Variants in LRBA observed in about 807,000 individuals in gnomAD.
LRBA encodes lipopolysaccharide-responsive and beige-like anchor protein.
A neutral mutation model predicts 330.0 loss-of-function variants in LRBA; 176 were observed. The ratio of observed to expected loss-of-function variants is 0.53; its 90% CI spans 0.47 to 0.60. LRBA has a LOEUF of 0.60. LRBA is among the 20% of genes least tolerant of loss of function. The pLI, the probability that LRBA is intolerant of heterozygous loss-of-function variation, is 0.00. For missense variants in LRBA, 3,259 were observed against 3,444.8 expected, an observed-to-expected ratio of 0.95 and a Z score of 1.35; for synonymous variants, 1,230 against 1,193.0, an observed-to-expected ratio of 1.03 and a Z score of -0.64.
intron 2 of LRBA, among the ~76,000 whole-genome samples, chr4:150,953,891 G>A (rs546853380): frequency 8.0e-4 from 121 of 150,350 alleles, no homozygotes; most frequent in African/African-American, 2.7e-3. Flanking sequence ...GCCTCTTCCC[G>A]GCCGTCATCC....
chr4:150,925,830 T>C (rs1276893858), intron 4 of LRBA, among the ~76,000 whole-genome samples: 2 of 152,184 alleles, frequency 1.3e-5, no homozygotes, highest in African/African-American at 2.4e-5. Flanking sequence ...AAATCAAATA[T>C]ATACTTTCTC....
chr4:150,899,094 A>G (rs1455968819), intron 14 of LRBA, among the ~76,000 whole-genome samples: 1 of 152,200 alleles, frequency 6.6e-6, no homozygotes, highest in Non-Finnish European at 1.5e-5. Context: ...AGTCATCTTC[A>G]CTTTCAGACA....
chr4:150,342,166 C>G (rs1024879056), intron 48 of LRBA, among the ~76,000 whole-genome samples: 4 of 151,634 alleles, frequency 2.6e-5, no homozygotes, highest in African/African-American at 9.7e-5. Flanking sequence ...TTGGGTTTTA[C>G]GTTTTTCAAA....
chr4:150,896,504 T>C, intron 15 of LRBA, 48 bp from the exon 16 acceptor site: 1 of 981,070 alleles, frequency 1.0e-6, no homozygotes, highest in African/African-American at 1.7e-5. Context: ...TAAAAAAATG[T>C]TTAAAGAGAA....
At chr4:150,948,847 C>T (rs1483796639) in intron 2 of LRBA, among the ~76,000 whole-genome samples, 1 of 151,784 alleles carries the variant, frequency 6.6e-6, no homozygotes, top group Non-Finnish European at 1.5e-5. Context: ...AAAAGTCTAA[C>T]ATCATTAGGC....
At chr4:150,639,819 GTATATATATATATATATATATATATATA>G (rs56731034) in intron 37 of LRBA, among the ~76,000 whole-genome samples, 1 of 4,530 alleles carries the variant, frequency 2.2e-4, no homozygotes, top group Non-Finnish European at 3.9e-4. Flanking sequence ...GTGTGTGTGT[GTATATATATATATATATATATATATATA>G]TATATATATA....
At chr4:150,555,175 T>C (rs1767131257) in intron 40 of LRBA, among the ~76,000 whole-genome samples, 2 of 152,184 alleles carry the variant, frequency 1.3e-5, no homozygotes, top group African/African-American at 2.4e-5. Flanking sequence ...ATTCTTTCCA[T>C]CAACTCTAGG....
At chr4:150,990,324 C>T (rs116496858) in intron 2 of LRBA, among the ~76,000 whole-genome samples, 70 of 152,220 alleles carry the variant, frequency 4.6e-4, no homozygotes, top group African/African-American at 1.5e-3. Flanking sequence ...ACATATTTAA[C>T]GTGGTAGTCT....
chr4:150,597,933 T>C (rs371083962), intron 38 of LRBA, among the ~76,000 whole-genome samples: 1 of 152,160 alleles, frequency 6.6e-6, no homozygotes, highest in African/African-American at 2.4e-5. Context: ...AAAGGACTGA[T>C]GTAACATGTG....
In LRBA at chr4:150,425,436, T is replaced by G. The variant is rs948311573; in HGVS notation, c.7042-9846A>C. On this transcript the variant is annotated intron_variant, in intron 46 of 56. Coordinates refer to ENST00000651943, the MANE Select transcript of LRBA (RefSeq NM_001364905.1). ...TTAGAGGCAGGTAACATGGCCAACA[T>G]TTAGTGTATCATCTCCTAAGATAAA... is the stretch of plus-strand genomic sequence containing the variant. 2.0e-5 allele frequency among the ~76,000 whole-genome samples: 3 copies of G among 152,158 alleles called. No individual in the cohort carries two copies. In the South Asian group the frequency reaches 6.2e-4, roughly 32 times the overall value.
chr4:150,520,772 C>T (rs2152166001), intron 40 of LRBA, among the ~76,000 whole-genome samples: 1 of 152,262 alleles, frequency 6.6e-6, no homozygotes, highest in South Asian at 2.1e-4. Context: ...ACAAGAGACA[C>T]TGGGGCCTAC....
intron 35 of LRBA, among the ~76,000 whole-genome samples, chr4:150,758,875 A>C (rs926761138): frequency 2.0e-5 from 3 of 151,236 alleles, no homozygotes; most frequent in African/African-American, 7.3e-5. Flanking sequence ...GCTTCTGGCT[A>C]TCTCTTCACT....
At chr4:150,332,966 A>G (rs1734180781) in intron 48 of LRBA, among the ~76,000 whole-genome samples, 1 of 152,154 alleles carries the variant, frequency 6.6e-6, no homozygotes, top group African/African-American at 2.4e-5. Context: ...TGTGCCAACT[A>G]TTTCATACTT....
intron 47 of LRBA, among the ~76,000 whole-genome samples, chr4:150,362,300 G>C (rs1392369820): frequency 6.6e-6 from 1 of 151,972 alleles, no homozygotes; most frequent in Non-Finnish European, 1.5e-5. Flanking sequence ...ATCTTCCCAA[G>C]TCATTCTTTC....
intron 34 of LRBA, among the ~76,000 whole-genome samples, chr4:150,788,627 G>A (rs1318910512): frequency 6.6e-6 from 1 of 151,898 alleles, no homozygotes; most frequent in Non-Finnish European, 1.5e-5. Flanking sequence ...GGGCATGATG[G>A]CAGGTGTCTA....
At chr4:150,549,379 T>C (rs1179836140) in intron 40 of LRBA, among the ~76,000 whole-genome samples, 1 of 152,108 alleles carries the variant, frequency 6.6e-6, no homozygotes, top group African/African-American at 2.4e-5. Flanking sequence ...TTGCCTATGC[T>C]GCAGTGCAGT....
At chr4:150,823,743 T>C (rs769659703) in intron 30 of LRBA, among the ~76,000 whole-genome samples, 4 of 152,182 alleles carry the variant, frequency 2.6e-5, no homozygotes, top group Non-Finnish European at 4.4e-5. Context: ...CTTGGCACCT[T>C]TGTCAAAAAT....
intron 34 of LRBA, among the ~76,000 whole-genome samples, chr4:150,785,862 A>T (rs1025935762): frequency 6.6e-6 from 1 of 152,248 alleles, no homozygotes; most frequent in Non-Finnish European, 1.5e-5. Context: ...CAATTAGAGT[A>T]GTAATACAAG....
chr4:150,519,421 A>C (rs1359305418), intron 40 of LRBA, among the ~76,000 whole-genome samples: 1 of 152,118 alleles, frequency 6.6e-6, no homozygotes, highest in Non-Finnish European at 1.5e-5. Context: ...ATCTCTGATT[A>C]GTTTTGCCTA....
Sources: gnomAD v4.1 joint callset for allele counts (sites outside exome capture counted in the v4.1 genomes callset) on GRCh38, gnomAD v4.1.1 for gene constraint, MANE v1.5 for transcripts, NCBI Gene and HGNC (gene_info 2026-07-23, HGNC 2026-07-21) for gene names.